Variants in CHCHD3 observed in about 807,000 individuals in gnomAD.
CHCHD3 encodes the protein MICOS complex subunit MIC19.
CHCHD3 carries 20 observed loss-of-function variants against 38.2 expected under a neutral mutation model. The observed-to-expected ratio is 0.52, with a 90% confidence interval of 0.37 to 0.76. CHCHD3 has a LOEUF of 0.76. Among genes scored for constraint, CHCHD3 ranks in the 30% least tolerant of loss-of-function variants. The probability of loss-of-function intolerance (pLI) is 0.00; values close to 1 mark genes in which losing one functional copy is unlikely to be tolerated. For synonymous variants in CHCHD3, 82 were observed against 100.0 expected (o/e 0.82, Z 1.07); for missense variants, 245 against 279.2 (o/e 0.88, Z 0.87).
chr7:132,972,260 G>A (rs1245335880), intron 4 of CHCHD3, among the ~76,000 whole-genome samples: 1 of 152,050 alleles, frequency 6.6e-6, no homozygotes, highest in Non-Finnish European at 1.5e-5. Flanking sequence ...ACACAAAAAC[G>A]TATTTATCAG....
intron 6 of CHCHD3, among the ~76,000 whole-genome samples, chr7:132,823,223 AAG>A (rs1178356572): frequency 6.6e-6 from 1 of 152,198 alleles, no homozygotes; most frequent in Non-Finnish European, 1.5e-5. Context: ...GATAAATTAA[AAG>A]AGAAAAAAAT....
intron 4 of CHCHD3, among the ~76,000 whole-genome samples, chr7:132,954,158 CT>C (rs1468406198): frequency 6.6e-6 from 1 of 151,908 alleles, no homozygotes; most frequent in African/African-American, 2.4e-5. Flanking sequence ...CTGCCATGTG[CT>C]TCCAAGGCAC....
chr7:132,874,757 T>G (rs1008768733), intron 5 of CHCHD3, among the ~76,000 whole-genome samples: 1 of 152,078 alleles, frequency 6.6e-6, no homozygotes, highest in Non-Finnish European at 1.5e-5. Context: ...AATGCAAGCT[T>G]GAATCAATGG....
At chr7:132,966,601 T>A (rs955269781) in intron 4 of CHCHD3, among the ~76,000 whole-genome samples, 1 of 152,190 alleles carries the variant, frequency 6.6e-6, no homozygotes, top group Non-Finnish European at 1.5e-5. Context: ...CTGTTCAATG[T>A]AATACTGAAT....
rs148083273 is a variant in CHCHD3 at position 132,877,428 on chromosome 7, T to C, written c.453+8234A>G. 3.0e-3 allele frequency among the ~76,000 whole-genome samples: 451 copies of C among 152,320 alleles called. 1 individual carries two copies. Among genetic ancestry groups the C allele is most frequent in the African/African-American group, 0.01 (432 of 41,580 alleles). On this transcript the variant is annotated intron_variant, in intron 5 of 7. Transcript: ENST00000262570. ...AATATCTGCAATAATAAACTTCCTTTAGGAAAGCAGGTAGATTGTAAAATG... is the reference window on the plus strand; with the variant it reads ...AATATCTGCAATAATAAACTTCCTTCAGGAAAGCAGGTAGATTGTAAAATG...
At chr7:133,067,639 A>G (rs1390751264) in intron 2 of CHCHD3, among the ~76,000 whole-genome samples, 1 of 152,216 alleles carries the variant, frequency 6.6e-6, no homozygotes, top group African/African-American at 2.4e-5. Flanking sequence ...TGGGCATTTT[A>G]ATAAACTGGA....
intron 6 of CHCHD3, among the ~76,000 whole-genome samples, chr7:132,819,246 T>C (rs1807280067): frequency 6.6e-6 from 1 of 152,210 alleles, no homozygotes; most frequent in Non-Finnish European, 1.5e-5. Flanking sequence ...CTATAATTCT[T>C]AGTTTTTAGA....
chr7:132,935,962 C>G (rs961547493), intron 4 of CHCHD3, among the ~76,000 whole-genome samples: 1 of 152,100 alleles, frequency 6.6e-6, no homozygotes, highest in Non-Finnish European at 1.5e-5. Context: ...CCAAACTTAT[C>G]CTTTCATCAG....
At chr7:132,846,329 G>T (rs573059257) in intron 5 of CHCHD3, among the ~76,000 whole-genome samples, 1 of 152,332 alleles carries the variant, frequency 6.6e-6, no homozygotes, top group East Asian at 1.9e-4. Flanking sequence ...GCTATCTATG[G>T]TGAGGACAGC....
chr7:132,857,690 G>A (rs1310223383), intron 5 of CHCHD3, among the ~76,000 whole-genome samples: 2 of 152,196 alleles, frequency 1.3e-5, no homozygotes, highest in Non-Finnish European at 2.9e-5. Flanking sequence ...TTACAGGCAT[G>A]AGCCGCTGCG....
chr7:133,043,594 C>T (rs1319411938), intron 2 of CHCHD3, among the ~76,000 whole-genome samples: 2 of 150,474 alleles, frequency 1.3e-5, no homozygotes, highest in Non-Finnish European at 2.9e-5. Flanking sequence ...AGCAGTGAGC[C>T]GAGATAGCGC....
chr7:133,035,087 G>T lies in CHCHD3; in HGVS notation c.170-10460C>A, dbSNP rs1345326364. Reference sequence around the variant, plus strand: ...TACTCTTGGGCAGGTGAGCGAAGGGGTCCTTGGCCTTGGGCTCAGCAGCCA... The same window carrying T: ...TACTCTTGGGCAGGTGAGCGAAGGGTTCCTTGGCCTTGGGCTCAGCAGCCA... On this transcript the variant is annotated intron_variant, in intron 2 of 7. Coordinates refer to ENST00000262570, the MANE Select transcript of CHCHD3 (RefSeq NM_017812.4). This position sits in a 1 kb window ranked among gnomAD's most constrained non-coding sequence, Gnocchi z 4.7. 3 of 1,613,742 alleles carry T rather than the reference G, an allele frequency of 1.9e-6. No homozygotes were observed. The South Asian group carries it at 3.3e-5, about 18-fold the overall frequency.
intron 5 of CHCHD3, among the ~76,000 whole-genome samples, chr7:132,851,329 C>T (rs1298373244): frequency 6.6e-6 from 1 of 152,130 alleles, no homozygotes; most frequent in Non-Finnish European, 1.5e-5. Context: ...CTAAATATTA[C>T]TGGGAAAGTG....
At chr7:132,805,637 G>T (rs1339579165) in intron 6 of CHCHD3, among the ~76,000 whole-genome samples, 1 of 152,148 alleles carries the variant, frequency 6.6e-6, no homozygotes, top group Non-Finnish European at 1.5e-5. Flanking sequence ...AGTTATAAAG[G>T]TACCATCTTG....
At chr7:132,817,092 C>T (rs540295105) in intron 6 of CHCHD3, among the ~76,000 whole-genome samples, 45 of 152,296 alleles carry the variant, frequency 3.0e-4, no homozygotes, top group African/African-American at 6.5e-4. Flanking sequence ...TCTCTGTACA[C>T]GTGCTGGTCT....
chr7:133,057,651 T>C (rs1453563760), intron 2 of CHCHD3, among the ~76,000 whole-genome samples: 2 of 152,186 alleles, frequency 1.3e-5, no homozygotes, highest in East Asian at 3.8e-4. Flanking sequence ...TTAACAAGTT[T>C]TATGTCATCA....
chr7:132,997,679 A>AC (rs1470428098), intron 3 of CHCHD3, among the ~76,000 whole-genome samples: 1 of 135,662 alleles, frequency 7.4e-6, no homozygotes, highest in African/African-American at 2.6e-5. Context: ...AAAAAAAAAA[A>AC]AAAAAAAAAC....
intron 4 of CHCHD3, among the ~76,000 whole-genome samples, chr7:132,961,641 TC>T (rs1321970707): frequency 6.6e-6 from 1 of 152,220 alleles, no homozygotes; most frequent in Non-Finnish European, 1.5e-5. Flanking sequence ...TAAGATCCAT[TC>T]CCTTGGCAAA....
intron 3 of CHCHD3, among the ~76,000 whole-genome samples, chr7:132,999,805 T>G (rs966113045): frequency 2.6e-5 from 4 of 152,160 alleles, no homozygotes; most frequent in African/African-American, 9.6e-5. Context: ...ACAAAGTATC[T>G]TAATTTAGAA....
Sources: gnomAD v4.1 joint callset for allele counts (sites outside exome capture counted in the v4.1 genomes callset) on GRCh38, gnomAD v4.1.1 for gene constraint, Gnocchi (gnomAD v3.1) non-coding constraint, MANE v1.5 for transcripts, NCBI Gene and HGNC (gene_info 2026-07-23, HGNC 2026-07-21) for gene names.